Variants in OCA2 observed in about 807,000 individuals in gnomAD.
OCA2 encodes P protein.
OCA2 carries 77 observed loss-of-function variants against 100.2 expected under a neutral mutation model. That is an observed-to-expected ratio of 0.77 (90% confidence interval 0.64 to 0.93). The LOEUF is 0.93. Ranked by LOEUF, OCA2 falls within the 40% of genes least tolerant of loss-of-function variation. OCA2 has a pLI of 0.00. For missense variants in OCA2, 1,062 were observed against 1,089.1 expected (o/e 0.98, Z 0.35); for synonymous variants, 432 against 439.2 (o/e 0.98, Z 0.21).
intron 19 of OCA2, among the ~76,000 whole-genome samples, chr15:27,916,646 T>C (rs2038675338): frequency 6.6e-6 from 1 of 152,200 alleles, no homozygotes; most frequent in African/African-American, 2.4e-5. Flanking sequence ...TGATCTTGAA[T>C]TTCAGGGGAC....
chr15:27,876,066 G>A (rs368329382), intron 19 of OCA2, among the ~76,000 whole-genome samples: 4 of 151,978 alleles, frequency 2.6e-5, no homozygotes, highest in Non-Finnish European at 4.4e-5. Flanking sequence ...ACTGTTGAAC[G>A]GAAAAGGTGA....
chr15:27,771,804 C>A (rs1420268488), intron 23 of OCA2, among the ~76,000 whole-genome samples: 2 of 152,110 alleles, frequency 1.3e-5, no homozygotes, highest in African/African-American at 2.4e-5. Context: ...CATTCTCTTT[C>A]TTGACGCTAA....
intron 19 of OCA2, among the ~76,000 whole-genome samples, chr15:27,920,088 G>C (rs987338342): frequency 3.9e-5 from 6 of 152,096 alleles, no homozygotes; most frequent in African/African-American, 1.4e-4. Context: ...AAAAATGTCA[G>C]ATATAAATAC....
At chr15:28,038,473 A>C (rs2043109317) in intron 2 of OCA2, among the ~76,000 whole-genome samples, 1 of 152,224 alleles carries the variant, frequency 6.6e-6, no homozygotes, top group Admixed American at 6.5e-5. Flanking sequence ...ACAGCTTTGC[A>C]TAGTGGCCCT....
chr15:28,073,791 T>C (rs569680562), intron 2 of OCA2, among the ~76,000 whole-genome samples: 1 of 152,334 alleles, frequency 6.6e-6, no homozygotes, highest in African/African-American at 2.4e-5. Flanking sequence ...CTGTATGATT[T>C]CATGTATATA....
chr15:27,780,009 T>C (rs992603147), intron 23 of OCA2, among the ~76,000 whole-genome samples: 1 of 149,604 alleles, frequency 6.7e-6, no homozygotes, highest in African/African-American at 2.5e-5. Context: ...TAAAAGTTCT[T>C]ACCATAACAA....
At chr15:27,844,196 G>A (rs978935524) in intron 23 of OCA2, among the ~76,000 whole-genome samples, 1 of 152,066 alleles carries the variant, frequency 6.6e-6, no homozygotes. Flanking sequence ...GGCATCCGCT[G>A]GACGCCCCCA....
At chr15:27,816,151 A>T (rs930603974) in intron 23 of OCA2, among the ~76,000 whole-genome samples, 3 of 152,204 alleles carry the variant, frequency 2.0e-5, no homozygotes, top group Admixed American at 6.5e-5. Flanking sequence ...CAAAAACAAA[A>T]TAAGAAAATA....
At chr15:27,967,710 C>T (rs879419504) in intron 14 of OCA2, among the ~76,000 whole-genome samples, 4 of 152,232 alleles carry the variant, frequency 2.6e-5, no homozygotes, top group East Asian at 1.9e-4. Context: ...CTCTCCTTCC[C>T]GGCACGCTTC....
chr15:27,798,602 A>G (rs865910722), intron 23 of OCA2, among the ~76,000 whole-genome samples: 10 of 152,240 alleles, frequency 6.6e-5, no homozygotes, highest in Admixed American at 2.0e-4. Flanking sequence ...GGATTTGTCT[A>G]AAGTTATGGA....
intron 2 of OCA2, among the ~76,000 whole-genome samples, chr15:28,056,469 G>C (rs2141618422): frequency 6.6e-6 from 1 of 152,340 alleles, no homozygotes; most frequent in South Asian, 2.1e-4. Flanking sequence ...CCCAACACCT[G>C]TCAAGATGTA....
intron 23 of OCA2, among the ~76,000 whole-genome samples, chr15:27,794,793 C>A (rs1054046700): frequency 5.3e-5 from 8 of 152,108 alleles, no homozygotes; most frequent in African/African-American, 1.9e-4. Context: ...AATTTTTATG[C>A]AGAAGTTCCA....
At chr15:27,913,083 T>C (rs888094571) in intron 19 of OCA2, among the ~76,000 whole-genome samples, 1 of 152,156 alleles carries the variant, frequency 6.6e-6, no homozygotes, top group Admixed American at 6.5e-5. Flanking sequence ...TAGACGAAAT[T>C]CAAGACATAT....
intron 22 of OCA2, among the ~76,000 whole-genome samples, chr15:27,847,425 T>A (rs1595508233): frequency 1.3e-5 from 2 of 152,172 alleles, no homozygotes; most frequent in South Asian, 4.1e-4. Context: ...CACATTTTGA[T>A]GACGAAGGCA....
At chr15:27,831,418 C>A (rs2034951987) in intron 23 of OCA2, among the ~76,000 whole-genome samples, 1 of 152,154 alleles carries the variant, frequency 6.6e-6, no homozygotes, top group Admixed American at 6.5e-5. Flanking sequence ...GCAAAGGCGT[C>A]GACAGCGCTG....
chr15:28,083,220 A>G (rs1024734588), intron 1 of OCA2, among the ~76,000 whole-genome samples: 1 of 152,246 alleles, frequency 6.6e-6, no homozygotes, highest in African/African-American at 2.4e-5. Context: ...AAGCAAGTAC[A>G]AGACGTGTGA....
At chr15:27,886,687 A>C (rs542356567) in intron 19 of OCA2, among the ~76,000 whole-genome samples, 101 of 152,356 alleles carry the variant, frequency 6.6e-4, no homozygotes, top group Admixed American at 1.6e-3. Flanking sequence ...GTTCTCTACT[A>C]GAAACAAATT....
At chr15:27,725,891 G>A in the OCA2 span, among the ~76,000 whole-genome samples, 1 of 152,130 alleles carries the variant, frequency 6.6e-6, no homozygotes, top group South Asian at 2.1e-4. Flanking sequence ...TAAGCTGGGT[G>A]CGTGGAATGC....
intron 1 of OCA2, among the ~76,000 whole-genome samples, chr15:28,096,077 G>A (rs1009087082): frequency 2.0e-5 from 3 of 151,786 alleles, no homozygotes; most frequent in African/African-American, 7.3e-5. Context: ...CGGGGGCCTG[G>A]CTGCGTCTGC....
Sources: gnomAD v4.1 joint callset for allele counts (sites outside exome capture counted in the v4.1 genomes callset) on GRCh38, gnomAD v4.1.1 for gene constraint, MANE v1.5 for transcripts, NCBI Gene and HGNC (gene_info 2026-07-23, HGNC 2026-07-21) for gene names.